ANPEP: variants seen among roughly 807,000 people sequenced by gnomAD.
ANPEP encodes the protein alanyl aminopeptidase, membrane.
A neutral mutation model predicts 114.6 loss-of-function variants in ANPEP; 70 were observed. The observed-to-expected ratio is 0.61, with a 90% confidence interval of 0.50 to 0.75. The LOEUF is 0.75. Among genes scored for constraint, ANPEP ranks in the 30% least tolerant of loss-of-function variants. The pLI is 0.00. For missense variants in ANPEP, 1,184 were observed against 1,259.5 expected (o/e 0.94, Z 0.91); for synonymous variants, 548 against 522.3 (o/e 1.05, Z -0.67).
chr15:89,802,089 T>C (rs1894605487), intron 10 of ANPEP, among the ~76,000 whole-genome samples: 1 of 152,174 alleles, frequency 6.6e-6, no homozygotes, highest in South Asian at 2.1e-4. Flanking sequence ...GGATCTTTGC[T>C]CATGCACCTG....
rs755962012 is a variant in ANPEP, at chr15:89,791,097, A to G, written c.2529-4T>C. 2 of 1,613,860 alleles carry G rather than the reference A, an allele frequency of 1.2e-6. No individual in the cohort carries two copies. Among genetic ancestry groups the G allele is most frequent in the African/African-American group, 2.7e-5 (2 of 74,920 alleles). ...GTTCAGGGTGTAGCTCAGGTACCTA[A>G]GAGGGCCAGATGCTGTCTCAGCTAC... On this transcript the variant is annotated splice_polypyrimidine_tract_variant and splice_region_variant and intron_variant, in intron 18 of 20. Coordinates refer to ENST00000300060, the MANE Select transcript of ANPEP (RefSeq NM_001150.3).
intron 15 of ANPEP, among the ~76,000 whole-genome samples, chr15:89,794,840 T>G (rs28639834): frequency 0.33 from 50,322 of 151,908 alleles, 9,662 homozygotes; most frequent in African/African-American, 0.54. Flanking sequence ...ATACAGAGGC[T>G]TACTCTCTGG....
intron 1 of ANPEP, among the ~76,000 whole-genome samples, chr15:89,812,245 C>G (rs1894828769): frequency 6.6e-6 from 1 of 152,252 alleles, no homozygotes; most frequent in Non-Finnish European, 1.5e-5. Context: ...CCCACCCACT[C>G]CCACTCAGTG....
At chr15:89,792,135 A>G (rs775792010) in intron 18 of ANPEP, 25 bp downstream of exon 18, 3 of 1,602,202 alleles carry the variant, frequency 1.9e-6, no homozygotes, top group East Asian at 4.5e-5. Context: ...GGGCTCTCGC[A>G]GTCCCACCCT....
chr15:89,798,422 AG>A (rs1343391244), intron 14 of ANPEP, among the ~76,000 whole-genome samples: 1 of 152,110 alleles, frequency 6.6e-6, no homozygotes, highest in Non-Finnish European at 1.5e-5. Flanking sequence ...GGATCACCTG[AG>A]GTCAGGAGTT....
intron 1 of ANPEP, among the ~76,000 whole-genome samples, chr15:89,811,529 C>A (rs1894815089): frequency 6.6e-6 from 1 of 151,716 alleles, no homozygotes. Context: ...GCCTGTAATC[C>A]CAACTACTCG....
rs1247747682 is a variant in ANPEP at position 89,806,445 on chromosome 15, C to T, written c.139G>A (p.Ala47Thr). Reference sequence around the variant, plus strand: ...GCTGAGGCGGACGGGGTGGTGGAGGCCACGGGGGAGCTGTTGGCGTTCTTG... The same window carrying T: ...GCTGAGGCGGACGGGGTGGTGGAGGTCACGGGGGAGCTGTTGGCGTTCTTG... ...KNKNANSSPV[A>T]STTPSASATT... Residue 47 changes from alanine to threonine, a missense_variant, in exon 2 of 21, where the codon GCC becomes ACC. Ala to Thr is a moderately conservative substitution (Grantham distance 58). Coordinates refer to ENST00000300060, the MANE Select transcript of ANPEP (RefSeq NM_001150.3). The surrounding 1 kb of genome is among the most constrained non-coding windows in gnomAD (Gnocchi z 5.7). 2 of 1,613,824 alleles carry T rather than the reference C, an allele frequency of 1.2e-6. No individual in the cohort carries two copies. Among genetic ancestry groups the T allele is most frequent in the Non-Finnish European group, 8.5e-7 (1 of 1,179,796 alleles).
chr15:89,799,707 G>A lies in ANPEP; in HGVS notation c.1820-148C>T. ...CGCTAAGGGTGGGGAAGGAAGGGAT[G>A]AGGAACTGGGCTGCCAGTGGCTTCA... On this transcript the variant is annotated intron_variant, in intron 12 of 20. Coordinates refer to ENST00000300060, the MANE Select transcript of ANPEP (RefSeq NM_001150.3). This position sits in a 1 kb window ranked among gnomAD's most constrained non-coding sequence, Gnocchi z 4.2. 2.5e-6 allele frequency: 3 copies of A among 1,190,900 alleles called. No homozygotes were observed. Among genetic ancestry groups the A allele is most frequent in the Non-Finnish European group, 3.5e-6 (3 of 845,398 alleles). 73.8% of individuals were successfully genotyped at this position (1,190,900 alleles called of 1,614,324 possible). A position where few individuals can be genotyped will look rare whatever the true frequency, so the allele number is the denominator to read the frequency against.
intron 15 of ANPEP, among the ~76,000 whole-genome samples, chr15:89,793,384 G>A (rs936097513): frequency 1.3e-5 from 2 of 151,856 alleles, no homozygotes; most frequent in African/African-American, 4.8e-5. Context: ...TAAAATGTTG[G>A]GTTTTCCCTA....
chr15:89,812,333 G>A (rs750212370), intron 1 of ANPEP, among the ~76,000 whole-genome samples: 1 of 152,236 alleles, frequency 6.6e-6, no homozygotes, highest in East Asian at 1.9e-4. Flanking sequence ...AGCAGTGAGC[G>A]AGAAGGGTAG....
intron 15 of ANPEP, among the ~76,000 whole-genome samples, chr15:89,794,421 T>C (rs2141795205): frequency 6.6e-6 from 1 of 151,694 alleles, no homozygotes; most frequent in East Asian, 1.9e-4. Context: ...GAGGTGGAGG[T>C]TGAAGTGAGC....
At chr15:89,807,626 G>A (rs192801382) in intron 1 of ANPEP, among the ~76,000 whole-genome samples, 1 of 152,132 alleles carries the variant, frequency 6.6e-6, no homozygotes, top group Non-Finnish European at 1.5e-5. Flanking sequence ...GCTTGAATCC[G>A]GGAGGCAGAG....
chr15:89,808,285 G>A lies in ANPEP; in HGVS notation c.-223-1479C>T, dbSNP rs563648420. Among the ~76,000 whole-genome samples the A allele has an allele frequency of 2.0e-4, 31 of 152,238 alleles. 1 individual carries two copies. In the South Asian group the frequency reaches 3.7e-3, roughly 18 times the overall value. On this transcript the variant is annotated intron_variant, in intron 1 of 20. Coordinates refer to ENST00000300060, the MANE Select transcript of ANPEP (RefSeq NM_001150.3). Reference sequence around the variant, plus strand: ...TTCCATCCTACAAGTCTTCCGCAGCGAAGCCGCCCTGACCTCCCTGACCAA... The same window carrying A: ...TTCCATCCTACAAGTCTTCCGCAGCAAAGCCGCCCTGACCTCCCTGACCAA...
At position 89,806,352 on chromosome 15, in the gene ANPEP, T is replaced by A. The variant is rs1458753800; in HGVS notation, c.232A>T (p.Asn78Tyr). The change falls in exon 2 of 21, where the codon AAC becomes TAC. Residue 78 changes from asparagine (N) to tyrosine (Y), a missense_variant. By Grantham distance (143) the Asn-to-Tyr change is moderately radical. Transcript: ENST00000300060. The surrounding 1 kb of genome is among the most constrained non-coding windows in gnomAD (Gnocchi z 5.7). ...SKAWNRYRLP[N>Y]TLKPDSYRVT... ...CGGTAGGAATCGGGTTTCAGCGTGT[T>A]GGGGAGGCGGTAACGATTCCACGCT... 2 of 1,613,968 alleles carry A rather than the reference T, an allele frequency of 1.2e-6. No homozygotes were observed. The highest frequency in any genetic ancestry group is 1.7e-6 in the Non-Finnish European group (2 of 1,180,032).
chr15:89,799,692 G>T lies in ANPEP; in HGVS notation c.1820-133C>A. The stretch of plus-strand genomic sequence containing the variant: ...AAGCTGCTGGGGAGACGCTAAGGGT[G>T]GGGAAGGAAGGGATGAGGAACTGGG... On this transcript the variant is annotated intron_variant, in intron 12 of 20. Transcript: ENST00000300060. This position sits in a 1 kb window ranked among gnomAD's most constrained non-coding sequence, Gnocchi z 4.2. 1 of 1,311,442 alleles carries T rather than the reference G, an allele frequency of 7.6e-7. No individual in the cohort carries two copies. The highest frequency in any genetic ancestry group is 1.1e-6 in the Non-Finnish European group (1 of 948,060). 81.2% of individuals were successfully genotyped at this position (1,311,442 alleles called of 1,614,324 possible).
In ANPEP at chr15:89,793,702, CAAAAAAA is replaced by C. The variant is rs56906048; in HGVS notation, c.2158-583_2158-577del. ...TGGGTAACAGAGCGAGACTCCATCT[CAAAAAAA>C]AAAAAAAAAAAAAATTCCATGACTT... On this transcript the variant is annotated intron_variant, in intron 15 of 20. Transcript: ENST00000300060. Among the ~76,000 whole-genome samples, 36 of 79,174 alleles carry C rather than the reference CAAAAAAA, an allele frequency of 4.5e-4. 1 individual carries two copies. Among genetic ancestry groups the C allele is most frequent in the Non-Finnish European group, 1.8e-4 (7 of 38,184 alleles). 51.9% of individuals were successfully genotyped at this position (79,174 alleles called of 152,430 possible). A position where few individuals can be genotyped will look rare whatever the true frequency, so the allele number is the denominator to read the frequency against.
rs1894647786 is a variant in ANPEP, at chr15:89,803,799, T to G, written c.1294-9A>C. The G allele has an allele frequency of 6.2e-7, 1 of 1,607,154 alleles. No homozygotes were observed. Among genetic ancestry groups the G allele is most frequent in the Non-Finnish European group, 8.5e-7 (1 of 1,174,702 alleles). On this transcript the variant is annotated splice_polypyrimidine_tract_variant and intron_variant, in intron 7 of 20. Transcript: ENST00000300060. The surrounding 1 kb of genome is among the most constrained non-coding windows in gnomAD (Gnocchi z 4.2). ...AGCACCATGAGGTCTTTCTGCAAAT[T>G]CCCCAGGGCCATCAGGAGACTGGCC...
chr15:89,807,780 A>ATTAC (rs1437463085), intron 1 of ANPEP, among the ~76,000 whole-genome samples: 3 of 152,194 alleles, frequency 2.0e-5, no homozygotes, highest in Non-Finnish European at 4.4e-5. Flanking sequence ...AAATGAAGAT[A>ATTAC]TTACTTACCA....
Position 89,804,005 on chromosome 15 carries a change from G to A in ANPEP, c.1180-3C>T, listed in dbSNP as rs1418287261. 3.3e-5 allele frequency: 54 copies of A among 1,613,800 alleles called. No individual in the cohort carries two copies. The highest frequency in any genetic ancestry group is 4.4e-5 in the Non-Finnish European group (52 of 1,179,826). ...ATGGTCACCAGGTTCCCGAACCACT[G>A]TGGGGGGAGGGGTCAGCTGGGCAAG... On this transcript the variant is annotated splice_region_variant and splice_polypyrimidine_tract_variant and intron_variant, in intron 6 of 20. Coordinates refer to ENST00000300060, the MANE Select transcript of ANPEP (RefSeq NM_001150.3).
Sources: gnomAD v4.1 joint callset for allele counts (sites outside exome capture counted in the v4.1 genomes callset) on GRCh38, gnomAD v4.1.1 for gene constraint, Gnocchi (gnomAD v3.1) non-coding constraint, MANE v1.5 for transcripts, NCBI Gene and HGNC (gene_info 2026-07-23, HGNC 2026-07-21) for gene names.